RBPMS: variants seen among roughly 807,000 people sequenced by gnomAD.
The protein encoded by RBPMS is RNA binding protein, mRNA processing factor.
A neutral mutation model predicts 26.8 loss-of-function variants in RBPMS; 7 were observed. That is an observed-to-expected ratio of 0.26 (90% CI 0.15 to 0.49). The LOEUF (loss-of-function observed/expected upper bound fraction) is 0.49, where lower values mean the gene tolerates loss of function less well. RBPMS is among the 20% of genes least tolerant of loss of function. The pLI is 0.98. For missense variants in RBPMS, 186 were observed against 250.0 expected, an observed-to-expected ratio of 0.74 and a Z score of 1.73; for synonymous variants, 96 against 93.3, an observed-to-expected ratio of 1.03 and a Z score of -0.17.
At chr8:30,422,157 GCT>G in intron 1 of RBPMS, among the ~76,000 whole-genome samples, 1 of 150,112 alleles carries the variant, frequency 6.7e-6, no homozygotes, top group East Asian at 2.0e-4. Context: ...ATGGAGTCTT[GCT>G]CTGTCACCCA....
intron 1 of RBPMS, among the ~76,000 whole-genome samples, chr8:30,437,727 G>C (rs547020104): frequency 6.6e-6 from 1 of 151,924 alleles, no homozygotes; most frequent in South Asian, 2.1e-4. Context: ...GGAGATGGAG[G>C]TTGCAGTGAG....
intron 6 of RBPMS, chr8:30,549,383 C>A: frequency 3.6e-6 from 3 of 834,806 alleles, no homozygotes; most frequent in Non-Finnish European, 6.2e-6. Context: ...AAAACGACAG[C>A]TTTGAAGGAC....
At chr8:30,546,044 T>A (rs949725058) in intron 6 of RBPMS, among the ~76,000 whole-genome samples, 13 of 151,934 alleles carry the variant, frequency 8.6e-5, no homozygotes, top group African/African-American at 2.9e-4. Flanking sequence ...GGTAACGGGG[T>A]CGGGATAAAA....
chr8:30,463,034 C>G (rs910578119), intron 1 of RBPMS, among the ~76,000 whole-genome samples: 33 of 152,176 alleles, frequency 2.2e-4, no homozygotes, highest in Admixed American at 2.6e-4. Flanking sequence ...CTCTTGCCCA[C>G]CTCAAGCCTG....
intron 6 of RBPMS, among the ~76,000 whole-genome samples, chr8:30,551,780 G>A (rs1282948752): frequency 6.6e-6 from 1 of 152,128 alleles, no homozygotes; most frequent in Non-Finnish European, 1.5e-5. Flanking sequence ...AAACAAACCT[G>A]ATTTTAATGA....
chr8:30,409,542 G>A (rs999483794), intron 1 of RBPMS, among the ~76,000 whole-genome samples: 16 of 152,024 alleles, frequency 1.1e-4, no homozygotes, highest in Non-Finnish European at 8.8e-5. Context: ...TTTTCTGTCC[G>A]AGCTTATCCT....
intron 1 of RBPMS, among the ~76,000 whole-genome samples, chr8:30,411,943 G>A (rs1809484833): frequency 1.4e-5 from 2 of 148,032 alleles, no homozygotes; most frequent in Non-Finnish European, 3.0e-5. Context: ...CCGAGATCGC[G>A]CCATTGCACT....
At chr8:30,555,615 G>A (rs544898110) in intron 6 of RBPMS, among the ~76,000 whole-genome samples, 1 of 152,338 alleles carries the variant, frequency 6.6e-6, no homozygotes, top group Non-Finnish European at 1.5e-5. Flanking sequence ...TCTGCACATG[G>A]CATGAAGAAA....
intron 4 of RBPMS, among the ~76,000 whole-genome samples, chr8:30,498,167 G>A (rs1820185493): frequency 6.6e-6 from 1 of 151,840 alleles, no homozygotes. Context: ...GATCAGAATG[G>A]AAGTGTAGGA....
intron 4 of RBPMS, among the ~76,000 whole-genome samples, chr8:30,488,769 T>A (rs1819062724): frequency 6.6e-6 from 1 of 152,252 alleles, no homozygotes. Context: ...TAGTTTTATG[T>A]ATTTCTGCAT....
chr8:30,549,772 T>TTTTCTTCTC (rs1182285469), intron 6 of RBPMS, among the ~76,000 whole-genome samples: 1 of 71,224 alleles, frequency 1.4e-5, no homozygotes, highest in Non-Finnish European at 2.5e-5. Flanking sequence ...TTTTCTTTTC[T>TTTTCTTCTC]TCTCTCTCTC....
chr8:30,451,836 C>T (rs550081845), intron 1 of RBPMS, among the ~76,000 whole-genome samples: 23 of 152,206 alleles, frequency 1.5e-4, no homozygotes, highest in South Asian at 1.2e-3. Flanking sequence ...GACTGGGGGA[C>T]GGCAGGCAAA....
intron 1 of RBPMS, among the ~76,000 whole-genome samples, chr8:30,455,900 TAAAA>T (rs998779737): frequency 1.3e-5 from 2 of 151,720 alleles, no homozygotes; most frequent in African/African-American, 4.8e-5. Flanking sequence ...AAAAAATAAA[TAAAA>T]ATAAATAAAT....
Position 30,571,318 on chromosome 8 carries a change from T to A in RBPMS, c.*793T>A, listed in dbSNP as rs1334939814. On this transcript the variant is annotated 3_prime_UTR_variant, in exon 9 of 9. Transcript: ENST00000397323. ...TAGCTCCAGCTGTGACTATATCAAC[T>A]GTGTGCCAAGTGTGACTTTGTACAG... 1.3e-5 allele frequency: 2 copies of A among 152,246 alleles called. No homozygotes were observed. Among genetic ancestry groups the A allele is most frequent in the African/African-American group, 4.8e-5 (2 of 41,464 alleles). 9.4% of individuals were successfully genotyped at this position (152,246 alleles called of 1,614,324 possible). A position where few individuals can be genotyped will look rare whatever the true frequency, so the allele number is the denominator to read the frequency against.
At chr8:30,479,865 A>G (rs1225381999) in intron 4 of RBPMS, among the ~76,000 whole-genome samples, 1 of 151,886 alleles carries the variant, frequency 6.6e-6, no homozygotes, top group Admixed American at 6.6e-5. Context: ...AAATTTACAT[A>G]TAAGGCTTTC....
chr8:30,528,114 G>A (rs1334023871), intron 5 of RBPMS, among the ~76,000 whole-genome samples: 1 of 151,956 alleles, frequency 6.6e-6, no homozygotes. Flanking sequence ...GGCAGAGGTT[G>A]CAGTGAGCCG....
intron 1 of RBPMS, among the ~76,000 whole-genome samples, chr8:30,448,751 C>G (rs1351223517): frequency 6.6e-6 from 1 of 152,150 alleles, no homozygotes; most frequent in African/African-American, 2.4e-5. Context: ...GTTTCCTTAT[C>G]TATAAAGTGG....
intron 5 of RBPMS, among the ~76,000 whole-genome samples, chr8:30,511,478 AAAAAAAAAATATATATAT>A (rs1291818906): frequency 2.3e-4 from 4 of 17,194 alleles, no homozygotes; most frequent in African/African-American, 7.4e-4. Context: ...AAAGAAAAAA[AAAAAAAAAATATATATAT>A]ATATATATAT....
chr8:30,511,506 T>A (rs1350599997), intron 5 of RBPMS, among the ~76,000 whole-genome samples: 77 of 7,060 alleles, frequency 0.011, 2 homozygotes, highest in African/African-American at 0.014. Flanking sequence ...TATATATATA[T>A]ATATATATAT....
Sources: gnomAD v4.1 joint callset for allele counts (sites outside exome capture counted in the v4.1 genomes callset) on GRCh38, gnomAD v4.1.1 for gene constraint, MANE v1.5 for transcripts, NCBI Gene and HGNC (gene_info 2026-07-23, HGNC 2026-07-21) for gene names.